Variants in CHRM3 observed in about 807,000 individuals in gnomAD.
The protein encoded by CHRM3 is muscarinic acetylcholine receptor M3.
In CHRM3, 11 loss-of-function variants were observed where a neutral mutation model predicts 41.8. That is an observed-to-expected ratio of 0.26 (90% CI 0.17 to 0.44). CHRM3 has a LOEUF of 0.44. CHRM3 is among the 20% of genes least tolerant of loss of function. CHRM3 has a pLI of 1.00. For missense variants in CHRM3, 571 were observed against 745.4 expected (o/e 0.77, Z 2.72); for synonymous variants, 297 against 301.4 (o/e 0.99, Z 0.15).
chr1:239,756,479 T>C (rs993378365), intron 5 of CHRM3, among the ~76,000 whole-genome samples: 2 of 152,202 alleles, frequency 1.3e-5, no homozygotes, highest in African/African-American at 2.4e-5. Flanking sequence ...ACCAATTTAT[T>C]TCAGGGAGAT....
intron 3 of CHRM3, among the ~76,000 whole-genome samples, chr1:239,616,565 A>AT (rs985091845): frequency 2.4e-4 from 36 of 152,222 alleles, no homozygotes; most frequent in Non-Finnish European, 4.4e-4. Flanking sequence ...TTTCTGAAAG[A>AT]TTTTTTTACA....
chr1:239,809,789 A>G (rs1670973935), intron 5 of CHRM3, among the ~76,000 whole-genome samples: 1 of 152,138 alleles, frequency 6.6e-6, no homozygotes, highest in South Asian at 2.1e-4. Context: ...GTGAGCCACC[A>G]TGCCTGGCCT....
intron 1 of CHRM3, among the ~76,000 whole-genome samples, chr1:239,451,501 T>C (rs1664550609): frequency 6.6e-6 from 1 of 152,134 alleles, no homozygotes; most frequent in Admixed American, 6.6e-5. Flanking sequence ...ACTTCAGCTC[T>C]TGTGCCTCAG....
At chr1:239,798,870 A>G (rs969330155) in intron 5 of CHRM3, among the ~76,000 whole-genome samples, 1 of 152,202 alleles carries the variant, frequency 6.6e-6, no homozygotes, top group Non-Finnish European at 1.5e-5. Context: ...GCTGTGGGAC[A>G]TGTATTATTT....
intron 2 of CHRM3, among the ~76,000 whole-genome samples, chr1:239,513,544 T>A (rs544119912): frequency 6.6e-6 from 1 of 152,344 alleles, no homozygotes; most frequent in East Asian, 1.9e-4. Context: ...ATCCGATACA[T>A]GTTTTGCAAA....
At chr1:239,736,647 T>G (rs1373656246) in intron 5 of CHRM3, among the ~76,000 whole-genome samples, 1 of 152,142 alleles carries the variant, frequency 6.6e-6, no homozygotes, top group Non-Finnish European at 1.5e-5. Flanking sequence ...ATCTCAGGAT[T>G]TTGCTTCTGA....
intron 3 of CHRM3, among the ~76,000 whole-genome samples, chr1:239,589,528 T>C (rs1663840017): frequency 6.7e-6 from 1 of 149,382 alleles, no homozygotes; most frequent in Non-Finnish European, 1.5e-5. Context: ...AAACTATATA[T>C]ATAGTTTTAT....
intron 1 of CHRM3, among the ~76,000 whole-genome samples, chr1:239,388,142 A>G (rs551991181): frequency 8.5e-5 from 13 of 152,160 alleles, no homozygotes; most frequent in Non-Finnish European, 1.6e-4. Flanking sequence ...AACTGCATCC[A>G]TATGGATAGG....
At chr1:239,858,023 A>G (rs897908632) in intron 6 of CHRM3, among the ~76,000 whole-genome samples, 2 of 152,226 alleles carry the variant, frequency 1.3e-5, no homozygotes, top group African/African-American at 4.8e-5. Context: ...TACTTTAATA[A>G]CATGGCTATA....
At chr1:239,895,794 A>G (rs1315327559) in intron 6 of CHRM3, among the ~76,000 whole-genome samples, 1 of 152,184 alleles carries the variant, frequency 6.6e-6, no homozygotes, top group Non-Finnish European at 1.5e-5. Flanking sequence ...AAAGAAGGGA[A>G]CAACATATAC....
At chr1:239,810,441 G>T (rs905266504) in intron 5 of CHRM3, among the ~76,000 whole-genome samples, 3 of 152,152 alleles carry the variant, frequency 2.0e-5, no homozygotes, top group Non-Finnish European at 4.4e-5. Flanking sequence ...AGCAAGGGGA[G>T]TGTTACTTCC....
chr1:239,744,526 G>C (rs1205111728), intron 5 of CHRM3, among the ~76,000 whole-genome samples: 4 of 152,106 alleles, frequency 2.6e-5, no homozygotes. Flanking sequence ...GGACCAGCAG[G>C]TGCACATGCC....
intron 3 of CHRM3, among the ~76,000 whole-genome samples, chr1:239,618,954 G>A (rs946309540): frequency 2.0e-5 from 3 of 147,646 alleles, no homozygotes; most frequent in South Asian, 2.2e-4. Context: ...TCACTCTGTC[G>A]CCCAGGCTGG....
intron 2 of CHRM3, among the ~76,000 whole-genome samples, chr1:239,510,899 G>A (rs1385676401): frequency 7.1e-6 from 1 of 140,622 alleles, no homozygotes; most frequent in Non-Finnish European, 1.6e-5. Flanking sequence ...ACCTGCAATT[G>A]AAAACCTCCT....
chr1:239,701,908 T>G (rs1465524252), intron 5 of CHRM3, among the ~76,000 whole-genome samples: 1 of 152,204 alleles, frequency 6.6e-6, no homozygotes, highest in African/African-American at 2.4e-5. Context: ...AAGGCCAGAT[T>G]TCAACCTCTT....
chr1:239,878,743 C>T (rs1240139977), intron 6 of CHRM3, among the ~76,000 whole-genome samples: 1 of 152,042 alleles, frequency 6.6e-6, no homozygotes, highest in Admixed American at 6.5e-5. Context: ...CAGGCTTCTG[C>T]CCTCAGATGA....
chr1:239,416,888 G>A (rs189003802), intron 1 of CHRM3, among the ~76,000 whole-genome samples: 149 of 152,310 alleles, frequency 9.8e-4, no homozygotes, highest in Admixed American at 1.5e-3. Context: ...TGGTGAGGAT[G>A]GAAGTGGGAA....
chr1:239,818,074 T>C (rs745591146), intron 5 of CHRM3, among the ~76,000 whole-genome samples: 9 of 152,306 alleles, frequency 5.9e-5, no homozygotes, highest in Admixed American at 1.3e-4. Context: ...AGGACATTTC[T>C]ATCTCACAGT....
chr1:239,852,583 A>G lies in CHRM3; in HGVS notation c.-20+25205A>G, dbSNP rs575839260. Among the ~76,000 whole-genome samples the G allele has an allele frequency of 4.6e-5, 7 of 152,298 alleles. No homozygotes were observed. In the East Asian group the frequency reaches 1.2e-3, roughly 25 times the overall value. On this transcript the variant is annotated intron_variant, in intron 6 of 6. Transcript: ENST00000676153. ...ACTAGAATTCGGGGCTCTTGACTCA[A>G]TGTTCAGACCCATAATGCTAATAAA...
Sources: gnomAD v4.1 joint callset for allele counts (sites outside exome capture counted in the v4.1 genomes callset) on GRCh38, gnomAD v4.1.1 for gene constraint, MANE v1.5 for transcripts, NCBI Gene and HGNC (gene_info 2026-07-23, HGNC 2026-07-21) for gene names.